RBM34: variants seen among roughly 807,000 people sequenced by gnomAD.
The protein encoded by RBM34 is RNA binding motif protein 34, also known as RNA-binding protein 34.
In RBM34, 39 loss-of-function variants were observed where a neutral mutation model predicts 44.6. The ratio of observed to expected loss-of-function variants is 0.87; its 90% CI spans 0.68 to 1.14. RBM34 has a LOEUF of 1.14. RBM34 is among the 50% of genes most tolerant of loss of function. The pLI is 0.00. For missense variants in RBM34, 572 were observed against 517.9 expected, an observed-to-expected ratio of 1.10 and a Z score of -1.01; for synonymous variants, 194 against 184.0, an observed-to-expected ratio of 1.05 and a Z score of -0.44.
intron 10 of RBM34, among the ~76,000 whole-genome samples, chr1:235,132,500 G>C (rs946774523): frequency 1.8e-4 from 28 of 152,006 alleles, no homozygotes; most frequent in Admixed American, 2.0e-4. Context: ...GTAGAGACAG[G>C]GTTTCACCAC....
intron 6 of RBM34, among the ~76,000 whole-genome samples, chr1:235,147,146 A>C (rs1661938970): frequency 6.6e-6 from 1 of 152,204 alleles, no homozygotes; most frequent in Non-Finnish European, 1.5e-5. Context: ...TGGAAGCATC[A>C]CTTGAGCCCA....
chr1:235,157,650 C>A (rs536915346), intron 3 of RBM34, among the ~76,000 whole-genome samples: 2 of 152,198 alleles, frequency 1.3e-5, no homozygotes, highest in East Asian at 1.9e-4. Flanking sequence ...AAGAATGAGA[C>A]CCCTGAGGGA....
chr1:235,160,274 G>C, intron 3 of RBM34: 2 of 655,924 alleles, frequency 3.0e-6, no homozygotes, highest in Non-Finnish European at 5.6e-6. Flanking sequence ...AACAAATAAT[G>C]AGGGGGTATA....
chr1:235,152,873 T>A, intron 4 of RBM34, 108 bp from the exon 5 acceptor site: 1 of 602,878 alleles, frequency 1.7e-6, no homozygotes, highest in Non-Finnish European at 2.4e-6. Flanking sequence ...TGCCAGGCTT[T>A]TTTTTTTTTT....
intron 3 of RBM34, among the ~76,000 whole-genome samples, chr1:235,158,207 G>C (rs1662534084): frequency 6.6e-6 from 1 of 152,028 alleles, no homozygotes; most frequent in Non-Finnish European, 1.5e-5. Flanking sequence ...CTGAGGTCAG[G>C]AGTTCAAGGC....
chr1:235,153,856 G>C (rs111517744), intron 4 of RBM34, among the ~76,000 whole-genome samples: 5 of 152,290 alleles, frequency 3.3e-5, no homozygotes, highest in African/African-American at 1.2e-4. Context: ...GGCAGGTTTT[G>C]CTTCAGTGAT....
chr1:235,134,220 C>T (rs950000903), intron 10 of RBM34, among the ~76,000 whole-genome samples: 6 of 152,152 alleles, frequency 3.9e-5, no homozygotes, highest in African/African-American at 9.6e-5. Flanking sequence ...GGCGGGATTT[C>T]GCCATGTTGC....
intron 6 of RBM34, among the ~76,000 whole-genome samples, chr1:235,144,662 A>G (rs1254180201): frequency 6.6e-6 from 1 of 152,170 alleles, no homozygotes; most frequent in African/African-American, 2.4e-5. Flanking sequence ...CAGAATGATT[A>G]CTTGAGCCTA....
Position 235,155,113 on chromosome 1 carries a change from C to T in RBM34, c.366-1G>A, listed in dbSNP as rs1179807564. The T allele has an allele frequency of 1.2e-6, 2 of 1,609,112 alleles. No individual in the cohort carries two copies. The highest frequency in any genetic ancestry group is 2.2e-5 in the East Asian group (1 of 44,840). ...ATCAGCACTCGCTAGAGCGCTTTCC[C>T]TTTTTAAGGCAAAAAATAAAATAAG... On this transcript the variant is annotated splice_acceptor_variant, in intron 3 of 10. Coordinates refer to ENST00000408888, the MANE Select transcript of RBM34 (RefSeq NM_015014.4). LOFTEE classifies it high-confidence loss of function.
chr1:235,146,724 G>A (rs764335667), intron 6 of RBM34, among the ~76,000 whole-genome samples: 7 of 152,116 alleles, frequency 4.6e-5, no homozygotes, highest in Non-Finnish European at 1.0e-4. Context: ...GGGATCAAGC[G>A]ATTCTCTTGC....
intron 10 of RBM34, among the ~76,000 whole-genome samples, chr1:235,134,240 T>C (rs575034395): frequency 2.1e-4 from 32 of 152,176 alleles, no homozygotes; most frequent in African/African-American, 7.2e-4. Context: ...CCCAGGCTAG[T>C]CTTGAACTCC....
At chr1:235,147,110 A>C (rs897265191) in intron 6 of RBM34, among the ~76,000 whole-genome samples, 3 of 152,200 alleles carry the variant, frequency 2.0e-5, no homozygotes, top group Non-Finnish European at 4.4e-5. Context: ...GCACACCTGT[A>C]GTCCCAGCTA....
At position 235,154,989 on chromosome 1, in the gene RBM34, G is replaced by A; in HGVS notation, c.489C>T (p.Asp163=). 6.2e-7 allele frequency: 1 copy of A among 1,613,928 alleles called. No homozygotes were observed. Among genetic ancestry groups the A allele is most frequent in the Non-Finnish European group, 8.5e-7 (1 of 1,179,886 alleles). Residue 163 remains aspartate, a synonymous_variant, in exon 4 of 11, where the codon GAC becomes GAT. Transcript: ENST00000408888. The part of the protein sequence containing the change: ...ADRKILDDTE[D]TVVSQRKKIQ... The stretch of plus-strand genomic sequence containing the variant: ...TTTTCTTTCTTTGACTGACAACTGT[G>A]TCTTCTGTGTCATCAAGTATTTTTC...
At chr1:235,137,585 C>T (rs1195968052) in intron 8 of RBM34, among the ~76,000 whole-genome samples, 2 of 149,148 alleles carry the variant, frequency 1.3e-5, no homozygotes, top group South Asian at 2.1e-4. Context: ...CTACATTGCT[C>T]AGGCTGCTCT....
intron 3 of RBM34, among the ~76,000 whole-genome samples, chr1:235,158,095 A>G (rs1662527658): frequency 6.6e-6 from 1 of 152,070 alleles, no homozygotes; most frequent in Non-Finnish European, 1.5e-5. Context: ...AAAGATTAGA[A>G]TCGTGAGCAC....
chr1:235,151,824 C>T (rs201776006), intron 5 of RBM34, among the ~76,000 whole-genome samples: 2 of 151,926 alleles, frequency 1.3e-5, no homozygotes, highest in South Asian at 2.1e-4. Flanking sequence ...CCTGAGGTCA[C>T]GAGTTTGAGA....
chr1:235,152,400 G>T, intron 5 of RBM34: 2 of 863,090 alleles, frequency 2.3e-6, no homozygotes, highest in Non-Finnish European at 2.9e-6. Flanking sequence ...TTCCAGCAAT[G>T]ATAATCAGTA....
intron 6 of RBM34, among the ~76,000 whole-genome samples, chr1:235,142,137 C>T (rs1220761151): frequency 2.6e-5 from 4 of 152,108 alleles, no homozygotes; most frequent in Admixed American, 2.6e-4. Flanking sequence ...ACTAAAGGTA[C>T]AAGGCATTTG....
At chr1:235,138,027 A>T (rs1661500796) in intron 7 of RBM34, 64 bp downstream of exon 7, 2 of 1,532,696 alleles carry the variant, frequency 1.3e-6, no homozygotes, top group Admixed American at 1.8e-5. Flanking sequence ...ACCAAAGAAT[A>T]AAAAAAGTAC....
Sources: gnomAD v4.1 joint callset for allele counts (sites outside exome capture counted in the v4.1 genomes callset) on GRCh38, gnomAD v4.1.1 for gene constraint, MANE v1.5 for transcripts, NCBI Gene and HGNC (gene_info 2026-07-23, HGNC 2026-07-21) for gene names.